Variants in ACOX3 observed in about 807,000 individuals in gnomAD.
ACOX3 encodes the protein peroxisomal acyl-coenzyme A oxidase 3.
ACOX3 carries 73 observed loss-of-function variants against 81.5 expected under a neutral mutation model. The observed-to-expected ratio is 0.90, with a 90% confidence interval of 0.74 to 1.09. The LOEUF is 1.09. Among genes scored for constraint, ACOX3 ranks in the 50% least tolerant of loss-of-function variants. The pLI, the probability that ACOX3 is intolerant of heterozygous loss-of-function variation, is 0.00. For synonymous variants in ACOX3, 387 were observed against 375.1 expected (o/e 1.03, Z -0.37); for missense variants, 947 against 928.0 (o/e 1.02, Z -0.27).
At chr4:8,356,144 C>G in the ACOX3 span, 2 of 245,504 alleles carry the variant, frequency 8.1e-6, no homozygotes, top group African/African-American at 2.2e-5. Context: ...TGCTTTCATG[C>G]ATTAACCCGT....
At chr4:8,439,602 A>G (rs1295972368) in intron 1 of ACOX3, among the ~76,000 whole-genome samples, 1 of 152,238 alleles carries the variant, frequency 6.6e-6, no homozygotes, top group African/African-American at 2.4e-5. Context: ...AGCTTTTAAG[A>G]CCCAGTAAAA....
rs374433030 is a variant in ACOX3 at position 8,417,947 on chromosome 4, G to A, written c.-14-1412C>T. ...GTATGCCAACAAATGATATGAAGTG[G>A]TCATATTCCTGGGAAGACACAGCTA... On this transcript the variant is annotated intron_variant, in intron 1 of 17. Transcript: ENST00000356406. Among the ~76,000 whole-genome samples, 16 of 152,318 alleles carry A rather than the reference G, an allele frequency of 1.1e-4. No individual in the cohort carries two copies. The East Asian group carries it at 2.9e-3, about 28-fold the overall frequency.
rs1013056150 is a variant in ACOX3, at chr4:8,431,152, A to G, written c.-15+9496T>C. Among the ~76,000 whole-genome samples, 2 of 152,238 alleles carry G rather than the reference A, an allele frequency of 1.3e-5. No homozygotes were observed. The highest frequency in any genetic ancestry group is 2.9e-5 in the Non-Finnish European group (2 of 68,046). ...AAAGCACAGGTTTCCAGCCTTGGCC[A>G]GGTCCTCAGGCTCCCCTCCCTTCTC... is the stretch of plus-strand genomic sequence containing the variant. On this transcript the variant is annotated intron_variant, in intron 1 of 17. Coordinates refer to ENST00000356406, the MANE Select transcript of ACOX3 (RefSeq NM_003501.3). The surrounding 1 kb of genome is among the most constrained non-coding windows in gnomAD (Gnocchi z 5.3).
At chr4:8,401,279 C>A (rs1483668461) in intron 7 of ACOX3, among the ~76,000 whole-genome samples, 1 of 152,114 alleles carries the variant, frequency 6.6e-6, no homozygotes, top group Admixed American at 6.5e-5. Flanking sequence ...GGGTTGGGGA[C>A]CCCTGCCTAC....
At chr4:8,357,461 G>A in the ACOX3 span, 1 of 346,718 alleles carries the variant, frequency 2.9e-6, no homozygotes, top group Non-Finnish European at 5.8e-6. Flanking sequence ...GGAGTTATAA[G>A]TGATATCTAT....
At chr4:8,374,944 G>C (rs1168723656) in intron 15 of ACOX3, 34 bp downstream of exon 15, 2 of 1,472,826 alleles carry the variant, frequency 1.4e-6, no homozygotes, top group Non-Finnish European at 1.8e-6. Context: ...CCTGACTCTG[G>C]GGAGGACAGC....
Position 8,405,128 on chromosome 4 carries a change from T to C in ACOX3, c.776+827A>G, listed in dbSNP as rs976007526. On this transcript the variant is annotated intron_variant, in intron 7 of 17. Transcript: ENST00000356406. The surrounding 1 kb of genome is among the most constrained non-coding windows in gnomAD (Gnocchi z 7.1). ...TGACACAAAGGGCCGGCTGCACATCTGTCTCATTCCAAAAGTCATGCTGCT... is the reference window on the plus strand; with the variant it reads ...TGACACAAAGGGCCGGCTGCACATCCGTCTCATTCCAAAAGTCATGCTGCT... 1.3e-5 allele frequency among the ~76,000 whole-genome samples: 2 copies of C among 152,172 alleles called. No homozygotes were observed. Among genetic ancestry groups the C allele is most frequent in the Non-Finnish European group, 2.9e-5 (2 of 68,024 alleles).
chr4:8,389,064 C>T lies in ACOX3; in HGVS notation c.1537+109G>A. 1 of 848,336 alleles carries T rather than the reference C, an allele frequency of 1.2e-6. No homozygotes were observed. The highest frequency in any genetic ancestry group is 1.9e-6 in the Non-Finnish European group (1 of 526,672). The allele number at this position is 848,336 out of a possible 1,614,324, so 52.6% of individuals were successfully genotyped here. On this transcript the variant is annotated intron_variant, in intron 13 of 17. Transcript: ENST00000356406. This position sits in a 1 kb window ranked among gnomAD's most constrained non-coding sequence, Gnocchi z 5.3. ...CATGCGGGGCCTCCCACCACCACTGCTGCCCCGGCTGGAACTGCCAAGGGT... is the reference window on the plus strand; with the variant it reads ...CATGCGGGGCCTCCCACCACCACTGTTGCCCCGGCTGGAACTGCCAAGGGT...
At chr4:8,355,698 G>A in the ACOX3 span, 1 of 152,082 alleles carries the variant, frequency 6.6e-6, no homozygotes, top group South Asian at 2.1e-4. Flanking sequence ...ATTTAAAAAT[G>A]TAAACTATAG....
At chr4:8,408,400 G>A (rs1207143388) in intron 6 of ACOX3, among the ~76,000 whole-genome samples, 1 of 152,202 alleles carries the variant, frequency 6.6e-6, no homozygotes. Flanking sequence ...TATCAGGCAG[G>A]AGGCCGTGGC....
intron 14 of ACOX3, among the ~76,000 whole-genome samples, chr4:8,377,917 A>G (rs1432741472): frequency 6.6e-6 from 1 of 152,128 alleles, no homozygotes; most frequent in Non-Finnish European, 1.5e-5. Flanking sequence ...GCACCCAGAC[A>G]CATCCGGGAG....
intron 14 of ACOX3, among the ~76,000 whole-genome samples, chr4:8,375,702 G>A (rs566277332): frequency 2.6e-5 from 4 of 152,290 alleles, no homozygotes; most frequent in East Asian, 1.9e-4. Context: ...AGGCTCTGCC[G>A]CTCCCATCTT....
In ACOX3 at chr4:8,394,028, T is replaced by C. The variant is rs747646236; in HGVS notation, c.1179+592A>G. 2.0e-5 allele frequency among the ~76,000 whole-genome samples: 3 copies of C among 152,254 alleles called. No homozygotes were observed. The highest frequency in any genetic ancestry group is 4.4e-5 in the Non-Finnish European group (3 of 68,040). ...ATTAGATACAGGCTTTTTCTGATGT[T>C]GTACATAACAGCAATCTGTGGCGTT... is the stretch of plus-strand genomic sequence containing the variant. On this transcript the variant is annotated intron_variant, in intron 10 of 17. Transcript: ENST00000356406. This position sits in a 1 kb window ranked among gnomAD's most constrained non-coding sequence, Gnocchi z 5.9.
chr4:8,390,141 C>T (rs890987742), intron 11 of ACOX3, among the ~76,000 whole-genome samples: 1 of 148,470 alleles, frequency 6.7e-6, no homozygotes, highest in African/African-American at 2.6e-5. Flanking sequence ...AGTTTGAGAC[C>T]AGCCTGGGCA....
intron 11 of ACOX3, 103 bp downstream of exon 11, chr4:8,392,230 C>A (rs936186310): frequency 7.6e-7 from 1 of 1,316,950 alleles, no homozygotes. Flanking sequence ...AAACAGGTGG[C>A]AGGCTGGATT....
rs762191645 is a variant in ACOX3, at chr4:8,375,083, C to T, written c.1723G>A (p.Val575Met). 100 of 1,553,944 alleles carry T rather than the reference C, an allele frequency of 6.4e-5. No homozygotes were observed. Among genetic ancestry groups the T allele is most frequent in the Non-Finnish European group, 8.0e-5 (92 of 1,148,660 alleles). Reference protein sequence around the residue: ...LTVVQRFHEHVHQPSVPPSLR... With the variant: ...LTVVQRFHEHMHQPSVPPSLR... ...GAGGGCGGCACGGAAGGCTGGTGCACGTGCTCGTGGAACCTCTGGACCACC... is the reference window on the plus strand; with the variant it reads ...GAGGGCGGCACGGAAGGCTGGTGCATGTGCTCGTGGAACCTCTGGACCACC... Residue 575 changes from valine (V) to methionine (M), a missense_variant, in exon 15 of 18, where the codon GTG becomes ATG. Val to Met is a conservative substitution (Grantham distance 21, BLOSUM62 1). Transcript: ENST00000356406.
Position 8,389,542 on chromosome 4 carries a change from G to A in ACOX3, c.1423+70C>T. The A allele has an allele frequency of 1.2e-6, 2 of 1,603,250 alleles. No individual in the cohort carries two copies. Among genetic ancestry groups the A allele is most frequent in the Non-Finnish European group, 1.7e-6 (2 of 1,174,628 alleles). ...GCATTCACAGAACAGCTGAATCAGTGAGGCCAGGAGAACCCACCCCTGCCC... is the reference window on the plus strand; with the variant it reads ...GCATTCACAGAACAGCTGAATCAGTAAGGCCAGGAGAACCCACCCCTGCCC... On this transcript the variant is annotated intron_variant, in intron 12 of 17. Coordinates refer to ENST00000356406, the MANE Select transcript of ACOX3 (RefSeq NM_003501.3). The surrounding 1 kb of genome is among the most constrained non-coding windows in gnomAD (Gnocchi z 5.3).
rs1169303538 is a variant in ACOX3 at position 8,375,164 on chromosome 4, G to A, written c.1654-12C>T. 6.5e-7 allele frequency: 1 copy of A among 1,528,026 alleles called. No homozygotes were observed. Among genetic ancestry groups the A allele is most frequent in the Non-Finnish European group, 8.8e-7 (1 of 1,130,810 alleles). 94.7% of individuals were successfully genotyped at this position (1,528,026 alleles called of 1,614,324 possible). A position where few individuals can be genotyped will look rare whatever the true frequency, so the allele number is the denominator to read the frequency against. ...CGGCCGTGGGACACCTGGAACACAGGACGGCACCGTGAGGACCGTGAGGGT... is the reference window on the plus strand; with the variant it reads ...CGGCCGTGGGACACCTGGAACACAGAACGGCACCGTGAGGACCGTGAGGGT... On this transcript the variant is annotated splice_polypyrimidine_tract_variant and intron_variant, in intron 14 of 17. Transcript: ENST00000356406.
intron 1 of ACOX3, among the ~76,000 whole-genome samples, chr4:8,435,621 G>A (rs1724193475): frequency 6.6e-6 from 1 of 152,220 alleles, no homozygotes; most frequent in Non-Finnish European, 1.5e-5. Flanking sequence ...ACAGCCAGTG[G>A]ACCTAGATCA....
Sources: allele counts gnomAD v4.1 joint callset (sites outside exome capture counted in the v4.1 genomes callset), GRCh38; gene constraint gnomAD v4.1.1; non-coding constraint Gnocchi (gnomAD v3.1); transcripts MANE v1.5; gene names NCBI Gene and HGNC (gene_info 2026-07-23, HGNC 2026-07-21).